The following KIRREL3 variants were observed in gnomAD, a reference collection of about 807,000 sequenced individuals.
The protein encoded by KIRREL3 is kin of IRRE-like protein 3.
KIRREL3 carries 36 observed loss-of-function variants against 89.7 expected under a neutral mutation model. That is an observed-to-expected ratio of 0.40 (90% CI 0.31 to 0.53). The LOEUF is 0.53. KIRREL3 is among the 20% of genes least tolerant of loss of function. KIRREL3 has a pLI of 0.49. For missense variants in KIRREL3, 864 were observed against 1,056.6 expected, an observed-to-expected ratio of 0.82 and a Z score of 2.53; for synonymous variants, 445 against 441.4, an observed-to-expected ratio of 1.01 and a Z score of -0.10.
rs1946713112 is a variant in KIRREL3 at position 126,687,568 on chromosome 11, C to A, written c.56-124656G>T. On this transcript the variant is annotated intron_variant, in intron 1 of 16. Coordinates refer to ENST00000525144, the MANE Select transcript of KIRREL3 (RefSeq NM_032531.4). This position sits in a 1 kb window ranked among gnomAD's most constrained non-coding sequence, Gnocchi z 4.6. ...TTTCTATTAGTTTGAAGGAGGTCTA[C>A]TTCCTAAGACATTCTTCTGCTACCA... Among the ~76,000 whole-genome samples the A allele has an allele frequency of 6.6e-6, 1 of 152,204 alleles. No individual in the cohort carries two copies. The highest frequency in any genetic ancestry group is 6.5e-5 in the Admixed American group (1 of 15,278).
At chr11:126,504,806 T>C (rs1322702698) in intron 4 of KIRREL3, among the ~76,000 whole-genome samples, 1 of 152,228 alleles carries the variant, frequency 6.6e-6, no homozygotes, top group Non-Finnish European at 1.5e-5. Context: ...TTATATGCCA[T>C]GACCACATGG....
At chr11:126,838,828 G>C (rs1343750588) in intron 1 of KIRREL3, among the ~76,000 whole-genome samples, 1 of 152,120 alleles carries the variant, frequency 6.6e-6, no homozygotes, top group Non-Finnish European at 1.5e-5. Flanking sequence ...AAAGAAAAAC[G>C]GGACTTGTTT....
intron 1 of KIRREL3, among the ~76,000 whole-genome samples, chr11:126,873,659 T>C (rs1945179980): frequency 1.3e-5 from 2 of 152,202 alleles, no homozygotes; most frequent in South Asian, 2.1e-4. Context: ...GGGCGAGTCA[T>C]ACCCTGCACA....
rs1425309709 is a variant in KIRREL3, at chr11:126,977,473, C to T, written c.55+22982G>A. On this transcript the variant is annotated intron_variant, in intron 1 of 16. Transcript: ENST00000525144. This position sits in a 1 kb window ranked among gnomAD's most constrained non-coding sequence, Gnocchi z 4.7. ...TCAGGGTCTGGCCATGCCCAGTGTCCTGTTTTTATTATGAATTCCTAAGAT... is the reference window on the plus strand; with the variant it reads ...TCAGGGTCTGGCCATGCCCAGTGTCTTGTTTTTATTATGAATTCCTAAGAT... 1.3e-5 allele frequency among the ~76,000 whole-genome samples: 2 copies of T among 152,188 alleles called. No individual in the cohort carries two copies. The highest frequency in any genetic ancestry group is 2.9e-5 in the Non-Finnish European group (2 of 68,036).
intron 1 of KIRREL3, among the ~76,000 whole-genome samples, chr11:126,728,724 C>G (rs1196402555): frequency 6.6e-6 from 1 of 152,192 alleles, no homozygotes; most frequent in African/African-American, 2.4e-5. Flanking sequence ...GCCTGTTAAG[C>G]TTTAAGCGGG....
At position 126,606,797 on chromosome 11, in the gene KIRREL3, TG is replaced by T. The variant is rs1169459133; in HGVS notation, c.56-43886del. On this transcript the variant is annotated intron_variant, in intron 1 of 16. Transcript: ENST00000525144. The surrounding 1 kb of genome is among the most constrained non-coding windows in gnomAD (Gnocchi z 4.6). Reference sequence around the variant, plus strand: ...CATCCCTAAGTGCCATACCTCTACATGCTGGCCTTCTTCTGCACTCTTTTTT... The same window carrying T: ...CATCCCTAAGTGCCATACCTCTACATCTGGCCTTCTTCTGCACTCTTTTTT... 6.6e-6 allele frequency among the ~76,000 whole-genome samples: 1 copy of T among 152,126 alleles called. No homozygotes were observed. Among genetic ancestry groups the T allele is most frequent in the Non-Finnish European group, 1.5e-5 (1 of 68,018 alleles).
In KIRREL3 at chr11:126,526,335, T is replaced by C. The variant is rs1958751238; in HGVS notation, c.283+203A>G. ...GCTAGAAGGAGGGTTTGCTTATGGT[T>C]CATTATGCACATCAGGGGCCCTCAG... On this transcript the variant is annotated intron_variant, in intron 3 of 16. Coordinates refer to ENST00000525144, the MANE Select transcript of KIRREL3 (RefSeq NM_032531.4). This position sits in a 1 kb window ranked among gnomAD's most constrained non-coding sequence, Gnocchi z 5.7. 6.6e-6 allele frequency among the ~76,000 whole-genome samples: 1 copy of C among 152,176 alleles called. No individual in the cohort carries two copies. The highest frequency in any genetic ancestry group is 2.1e-4 in the South Asian group (1 of 4,828).
rs774187202 is a variant in KIRREL3 at position 126,611,203 on chromosome 11, G to A, written c.56-48291C>T. Among the ~76,000 whole-genome samples, 18 of 152,278 alleles carry A rather than the reference G, an allele frequency of 1.2e-4. No individual in the cohort carries two copies. Among genetic ancestry groups the A allele is most frequent in the African/African-American group, 4.1e-4 (17 of 41,560 alleles). Reference sequence around the variant, plus strand: ...AAAAAGGATCGTGGGGAAATGAAACGAGAGAATACATGTAACGTTCTTGGC... The same window carrying A: ...AAAAAGGATCGTGGGGAAATGAAACAAGAGAATACATGTAACGTTCTTGGC... On this transcript the variant is annotated intron_variant, in intron 1 of 16. Coordinates refer to ENST00000525144, the MANE Select transcript of KIRREL3 (RefSeq NM_032531.4). The surrounding 1 kb of genome is among the most constrained non-coding windows in gnomAD (Gnocchi z 4.7).
intron 1 of KIRREL3, among the ~76,000 whole-genome samples, chr11:126,882,240 A>G (rs1945532616): frequency 6.6e-6 from 1 of 152,226 alleles, no homozygotes; most frequent in African/African-American, 2.4e-5. Context: ...AAGCAGGTGC[A>G]TACATCTCCT....
chr11:126,711,012 G>A (rs1947734287), intron 1 of KIRREL3, among the ~76,000 whole-genome samples: 1 of 152,188 alleles, frequency 6.6e-6, no homozygotes, highest in Admixed American at 6.5e-5. Context: ...TTGGGGCAAG[G>A]AGAACTAAGT....
chr11:126,986,877 G>A (rs1000760469), intron 1 of KIRREL3, among the ~76,000 whole-genome samples: 13 of 152,160 alleles, frequency 8.5e-5, no homozygotes, highest in Admixed American at 2.0e-4. Context: ...TCCACATGGA[G>A]GTGAAAATGA....
chr11:126,480,082 C>A (rs1287496050), intron 4 of KIRREL3, among the ~76,000 whole-genome samples: 1 of 152,176 alleles, frequency 6.6e-6, no homozygotes, highest in African/African-American at 2.4e-5. Flanking sequence ...TCCCCATCTC[C>A]CAGCAGAGTG....
chr11:126,716,956 C>T (rs1313635280), intron 1 of KIRREL3, among the ~76,000 whole-genome samples: 2 of 152,044 alleles, frequency 1.3e-5, no homozygotes, highest in South Asian at 2.1e-4. Flanking sequence ...TAGAGCTCAG[C>T]GCATCCAAGA....
chr11:126,903,047 A>G lies in KIRREL3; in HGVS notation c.55+97408T>C, dbSNP rs1946433977. On this transcript the variant is annotated intron_variant, in intron 1 of 16. Transcript: ENST00000525144. The surrounding 1 kb of genome is among the most constrained non-coding windows in gnomAD (Gnocchi z 4.5). ...TGTGAAAGAAGCAAAAAATAGCATC[A>G]TTTACTCAGCAGCATATTGTACCTT... Among the ~76,000 whole-genome samples, 1 of 152,206 alleles carries G rather than the reference A, an allele frequency of 6.6e-6. No homozygotes were observed. Among genetic ancestry groups the G allele is most frequent in the Non-Finnish European group, 1.5e-5 (1 of 68,036 alleles).
At chr11:126,823,061 G>A (rs905956675) in intron 1 of KIRREL3, among the ~76,000 whole-genome samples, 5 of 152,106 alleles carry the variant, frequency 3.3e-5, no homozygotes, top group Non-Finnish European at 7.3e-5. Context: ...AATACTCACT[G>A]GAGAGAACTC....
At chr11:126,866,059 T>C (rs1384866717) in intron 1 of KIRREL3, among the ~76,000 whole-genome samples, 5 of 152,150 alleles carry the variant, frequency 3.3e-5, no homozygotes, top group Non-Finnish European at 5.9e-5. Flanking sequence ...CCTGCTGCAG[T>C]GATTTACCGG....
intron 2 of KIRREL3, among the ~76,000 whole-genome samples, chr11:126,536,224 G>A (rs1005659257): frequency 4.6e-5 from 7 of 152,104 alleles, no homozygotes; most frequent in East Asian, 1.9e-4. Context: ...GATCTGGTTC[G>A]TCTTTGGGGT....
chr11:126,822,259 C>T (rs1254475237), intron 1 of KIRREL3, among the ~76,000 whole-genome samples: 2 of 152,238 alleles, frequency 1.3e-5, no homozygotes, highest in South Asian at 2.1e-4. Context: ...TGTTGGCTAA[C>T]GGTATTACTA....
At position 126,508,561 on chromosome 11, in the gene KIRREL3, C is replaced by T. The variant is rs74877006; in HGVS notation, c.433+12754G>A. On this transcript the variant is annotated intron_variant, in intron 4 of 16. Coordinates refer to ENST00000525144, the MANE Select transcript of KIRREL3 (RefSeq NM_032531.4). This position sits in a 1 kb window ranked among gnomAD's most constrained non-coding sequence, Gnocchi z 4.9. ...TGGTGGAAGGGTTCAAGCAGGGCTC[C>T]TGGAGTTCCCAGGGGCTAGGAAGAA... is the stretch of plus-strand genomic sequence containing the variant. Among the ~76,000 whole-genome samples, 3,411 of 152,180 alleles carry T rather than the reference C, an allele frequency of 0.022. 145 individuals are homozygous for T. The highest frequency in any genetic ancestry group is 0.077 in the African/African-American group (3,209 of 41,490).
Sources: allele counts gnomAD v4.1 joint callset (sites outside exome capture counted in the v4.1 genomes callset), GRCh38; gene constraint gnomAD v4.1.1; non-coding constraint Gnocchi (gnomAD v3.1); transcripts MANE v1.5; gene names NCBI Gene and HGNC (gene_info 2026-07-23, HGNC 2026-07-21).